The following CMIP variants were observed in gnomAD, a reference collection of about 807,000 sequenced individuals.
The protein encoded by CMIP is C-Maf-inducing protein.
Under a neutral mutation model 97.3 loss-of-function variants are expected in CMIP, and 13 were observed. The ratio of observed to expected loss-of-function variants is 0.13; its 90% CI spans 0.09 to 0.21. CMIP has a LOEUF of 0.21. Among genes scored for constraint, CMIP ranks in the 10% least tolerant of loss-of-function variants. The probability of loss-of-function intolerance (pLI) is 1.00; values close to 1 mark genes in which losing one functional copy is unlikely to be tolerated. For missense variants in CMIP, 847 were observed against 1,024.9 expected (o/e 0.83, Z 2.37); for synonymous variants, 538 against 436.3 (o/e 1.23, Z -2.91).
chr16:81,570,634 G>A (rs2091071185), intron 1 of CMIP, among the ~76,000 whole-genome samples: 1 of 152,126 alleles, frequency 6.6e-6, no homozygotes, highest in African/African-American at 2.4e-5. Flanking sequence ...TCCCTGGGAG[G>A]AGAACCAGGG....
In CMIP at chr16:81,704,090, G is replaced by T; in HGVS notation, c.2091+5G>T. On this transcript the variant is annotated splice_donor_5th_base_variant and intron_variant, in intron 18 of 20. Coordinates refer to ENST00000537098, the MANE Select transcript of CMIP (RefSeq NM_198390.3). ...CTGAACCTGTGGTCCACTCAGGTAC[G>T]TCCTCCCGCCCTGCTGCAGTCCCCC... 2 of 1,600,532 alleles carry T rather than the reference G, an allele frequency of 1.2e-6. No homozygotes were observed. Among genetic ancestry groups the T allele is most frequent in the Non-Finnish European group, 8.5e-7 (1 of 1,174,950 alleles).
chr16:81,550,796 A>G (rs1207074347), intron 1 of CMIP, among the ~76,000 whole-genome samples: 1 of 151,932 alleles, frequency 6.6e-6, no homozygotes, highest in Non-Finnish European at 1.5e-5. Flanking sequence ...TACACCCAGG[A>G]GAGGATGAAG....
At chr16:81,500,501 T>A (rs1168158668) in intron 1 of CMIP, among the ~76,000 whole-genome samples, 1 of 145,638 alleles carries the variant, frequency 6.9e-6, no homozygotes, top group Admixed American at 6.8e-5. Flanking sequence ...CTTTCTTTTT[T>A]TTTTTTGAGA....
At chr16:81,683,432 G>C (rs1418218871) in intron 10 of CMIP, among the ~76,000 whole-genome samples, 1 of 152,208 alleles carries the variant, frequency 6.6e-6, no homozygotes, top group Non-Finnish European at 1.5e-5. Context: ...AGGGCCAGGG[G>C]ACATCCTGTA....
At chr16:81,524,797 C>CT (rs35008790) in intron 1 of CMIP, among the ~76,000 whole-genome samples, 10,220 of 144,662 alleles carry the variant, frequency 0.071, 397 homozygotes, top group Middle Eastern at 0.15. Flanking sequence ...TCTTTTCTTT[C>CT]TTTTTTTTTT....
intron 1 of CMIP, among the ~76,000 whole-genome samples, chr16:81,589,479 T>G (rs2091433091): frequency 6.7e-6 from 1 of 148,666 alleles, no homozygotes; most frequent in African/African-American, 2.6e-5. Context: ...ATATGCAGAC[T>G]TGTGTTTTTT....
chr16:81,481,194 T>TA (rs1408851065), intron 1 of CMIP, among the ~76,000 whole-genome samples: 1 of 152,186 alleles, frequency 6.6e-6, no homozygotes, highest in East Asian at 1.9e-4. Flanking sequence ...CTGGGGCTCT[T>TA]AGGAATATGC....
intron 3 of CMIP, among the ~76,000 whole-genome samples, chr16:81,639,722 C>A (rs190150964): frequency 2.4e-4 from 36 of 152,324 alleles, no homozygotes; most frequent in Admixed American, 2.0e-3. Context: ...TGTGCAAATG[C>A]ACTTTTAAAT....
chr16:81,599,001 C>G (rs918749523), intron 1 of CMIP, among the ~76,000 whole-genome samples: 1 of 145,756 alleles, frequency 6.9e-6, no homozygotes, highest in African/African-American at 2.6e-5. Context: ...GAGTAGTAAC[C>G]TTTTGAGGGC....
chr16:81,639,738 G>T (rs928409766), intron 3 of CMIP, among the ~76,000 whole-genome samples: 1 of 152,112 alleles, frequency 6.6e-6, no homozygotes, highest in East Asian at 1.9e-4. Context: ...TAAATATACC[G>T]GCGCTCAAAA....
intron 1 of CMIP, among the ~76,000 whole-genome samples, chr16:81,566,523 T>C (rs61499572): frequency 6.4e-4 from 98 of 152,324 alleles, no homozygotes; most frequent in African/African-American, 2.2e-3. Flanking sequence ...TGACTCTGGG[T>C]ATATTACTAG....
intron 3 of CMIP, among the ~76,000 whole-genome samples, chr16:81,624,682 A>T (rs921250758): frequency 1.3e-5 from 2 of 152,204 alleles, no homozygotes; most frequent in African/African-American, 4.8e-5. Context: ...GCTCGACCCT[A>T]TTCAATGAAA....
chr16:81,644,178 C>T (rs972477734), intron 3 of CMIP, among the ~76,000 whole-genome samples: 8 of 152,162 alleles, frequency 5.3e-5, no homozygotes, highest in Non-Finnish European at 7.3e-5. Context: ...AGTGTCTTCT[C>T]GTTATTTTAT....
chr16:81,705,434 C>T (rs1908021285), intron 18 of CMIP, 65 bp from the exon 19 acceptor site: 2 of 1,194,128 alleles, frequency 1.7e-6, no homozygotes, highest in African/African-American at 3.0e-5. Flanking sequence ...CCACCTCTGC[C>T]CCAGCCTCAG....
At position 81,664,330 on chromosome 16, in the gene CMIP, G is replaced by A. The variant is rs148193435; in HGVS notation, c.806G>A (p.Arg269Gln). 5 of 1,596,930 alleles carry A rather than the reference G, an allele frequency of 3.1e-6. No individual in the cohort carries two copies. Among genetic ancestry groups the A allele is most frequent in the Non-Finnish European group, 2.6e-6 (3 of 1,172,490 alleles). ...GAGGTGTTCACCCCCGTGGTGCAGC[G>A]AATCCTCAAGCATAACATGGTGAGT... ...VIEVFTPVVQ[R>Q]ILKHNMDFGK... The change falls in exon 7 of 21, where the codon CGA (arginine) becomes CAA (glutamine). Residue 269 changes from arginine to glutamine, a missense_variant. Transcript: ENST00000537098.
At chr16:81,635,023 G>A (rs1180465624) in intron 3 of CMIP, among the ~76,000 whole-genome samples, 1 of 152,182 alleles carries the variant, frequency 6.6e-6, no homozygotes, top group East Asian at 1.9e-4. Context: ...CTGTATTTCG[G>A]AAGGGCTAGG....
chr16:81,657,234 T>G (rs933278271), intron 4 of CMIP, among the ~76,000 whole-genome samples: 3 of 152,194 alleles, frequency 2.0e-5, no homozygotes, highest in African/African-American at 7.2e-5. Flanking sequence ...TTGCTAGAAT[T>G]TGAATTCAGC....
intron 1 of CMIP, among the ~76,000 whole-genome samples, chr16:81,543,705 A>G (rs1368401505): frequency 2.0e-5 from 3 of 152,222 alleles, no homozygotes; most frequent in South Asian, 2.1e-4. Context: ...CCTGGCTTCT[A>G]TATCAGGCCT....
chr16:81,664,271 C>G lies in CMIP; in HGVS notation c.747C>G (p.His249Gln). 6.3e-7 allele frequency: 1 copy of G among 1,599,404 alleles called. No individual in the cohort carries two copies. The change falls in exon 7 of 21, where the codon CAC becomes CAG. Residue 249 changes from histidine to glutamine, a missense_variant and splice_region_variant. By Grantham distance (24) the His-to-Gln change is conservative. This residue lies in a region of CMIP where 285 missense variants were observed against 392.2 expected (regional missense o/e 0.73). Coordinates refer to ENST00000537098, the MANE Select transcript of CMIP (RefSeq NM_198390.3). Reference protein sequence around the residue: ...PPDLCEFFCKHCRERPRSMVV... With the variant: ...PPDLCEFFCKQCRERPRSMVV... ...ACTGTACCCCACTCTGTCCCCAGCA[C>G]TGCAGAGAGCGGCCCCGGTCCATGG...
Sources: gnomAD v4.1 joint callset for allele counts (sites outside exome capture counted in the v4.1 genomes callset) on GRCh38, gnomAD v4.1.1 for gene constraint, gnomAD v4.1.1 regional missense constraint, MANE v1.5 for transcripts, NCBI Gene and HGNC (gene_info 2026-07-23, HGNC 2026-07-21) for gene names.